ZNF423: variants seen among roughly 807,000 people sequenced by gnomAD.
The protein encoded by ZNF423 is Ebf-associated zinc finger protein.
In ZNF423, 12 loss-of-function variants were observed where a neutral mutation model predicts 95.8. That is an observed-to-expected ratio of 0.13 (90% CI 0.08 to 0.20). The LOEUF (loss-of-function observed/expected upper bound fraction) is 0.20, where lower values mean the gene tolerates loss of function less well. ZNF423 is among the 10% of genes least tolerant of loss of function. ZNF423 has a pLI of 1.00. For missense variants in ZNF423, 1,316 were observed against 1,737.1 expected (o/e 0.76, Z 4.31); for synonymous variants, 749 against 711.9 (o/e 1.05, Z -0.83).
At chr16:49,830,561 C>A (rs770930352) in intron 1 of ZNF423, among the ~76,000 whole-genome samples, 3 of 152,134 alleles carry the variant, frequency 2.0e-5, no homozygotes, top group Non-Finnish European at 2.9e-5. Flanking sequence ...CAGTGAGATA[C>A]AAGGGAGGGA....
intron 3 of ZNF423, among the ~76,000 whole-genome samples, chr16:49,725,160 A>G (rs2032976164): frequency 6.6e-6 from 1 of 152,154 alleles, no homozygotes; most frequent in Non-Finnish European, 1.5e-5. Context: ...AGGCAGGAGG[A>G]TTGCCTGAGG....
At position 49,635,311 on chromosome 16, in the gene ZNF423, T is replaced by C. The variant is rs1972647362; in HGVS notation, c.3516+349A>G. On this transcript the variant is annotated intron_variant, in intron 4 of 7. Transcript: ENST00000563137. This position sits in a 1 kb window ranked among gnomAD's most constrained non-coding sequence, Gnocchi z 4.8. ...CAAAGACACAAGCCACCACCCATGG[T>C]GCCCTCACTGTGCATCAGCCACTGT... Among the ~76,000 whole-genome samples, 1 of 152,258 alleles carries C rather than the reference T, an allele frequency of 6.6e-6. No individual in the cohort carries two copies. Among genetic ancestry groups the C allele is most frequent in the Admixed American group, 6.5e-5 (1 of 15,292 alleles).
chr16:49,808,008 CAGCGTT>C (rs2034692432), intron 1 of ZNF423, among the ~76,000 whole-genome samples: 1 of 152,198 alleles, frequency 6.6e-6, no homozygotes, highest in African/African-American at 2.4e-5. Context: ...TCTCCCTAAG[CAGCGTT>C]ACTCAAGAAA....
At chr16:49,574,323 G>A (rs563063182) in intron 5 of ZNF423, among the ~76,000 whole-genome samples, 42 of 152,334 alleles carry the variant, frequency 2.8e-4, no homozygotes, top group African/African-American at 9.4e-4. Context: ...GTTTGAGGCT[G>A]CAGTGAGCTA....
chr16:49,510,099 A>G (rs899729272), intron 7 of ZNF423, among the ~76,000 whole-genome samples: 1 of 152,220 alleles, frequency 6.6e-6, no homozygotes, highest in Non-Finnish European at 1.5e-5. Context: ...TGCTTCTCCC[A>G]TCTGTGAAAG....
chr16:49,537,298 T>C (rs1390360939), intron 5 of ZNF423, among the ~76,000 whole-genome samples: 1 of 152,200 alleles, frequency 6.6e-6, no homozygotes, highest in Non-Finnish European at 1.5e-5. Flanking sequence ...GCCACAGCAC[T>C]ACTGAGTTGC....
At chr16:49,575,490 G>A (rs964907548) in intron 5 of ZNF423, among the ~76,000 whole-genome samples, 1 of 152,106 alleles carries the variant, frequency 6.6e-6, no homozygotes, top group South Asian at 2.1e-4. Context: ...CACAACACCC[G>A]GGCTGTGAGC....
chr16:49,737,285 T>TTC (rs1555480055), intron 2 of ZNF423, among the ~76,000 whole-genome samples: 5 of 151,372 alleles, frequency 3.3e-5, no homozygotes, highest in South Asian at 2.1e-4. Context: ...TTTTTTTTTT[T>TTC]CCAAGACAGA....
intron 3 of ZNF423, among the ~76,000 whole-genome samples, chr16:49,669,990 G>A (rs1033217961): frequency 6.6e-6 from 1 of 152,212 alleles, no homozygotes; most frequent in African/African-American, 2.4e-5. Context: ...GATAGGAAGG[G>A]GAGGAGACGC....
intron 5 of ZNF423, among the ~76,000 whole-genome samples, chr16:49,617,857 C>A (rs1038838044): frequency 6.6e-6 from 1 of 152,132 alleles, no homozygotes; most frequent in Non-Finnish European, 1.5e-5. Flanking sequence ...GCCACACAGA[C>A]CCTCTTCAGC....
At chr16:49,742,102 C>T (rs2033425660) in intron 2 of ZNF423, among the ~76,000 whole-genome samples, 1 of 152,262 alleles carries the variant, frequency 6.6e-6, no homozygotes. Context: ...AAGAACCATA[C>T]ACAGCTCCAT....
rs533745259 is a variant in ZNF423 at position 49,494,845 on chromosome 16, T to C, written c.3850-3541A>G. On this transcript the variant is annotated intron_variant, in intron 7 of 7. Coordinates refer to ENST00000563137, the MANE Select transcript of ZNF423 (RefSeq NM_001379286.1). ...CGTCCCCCACAGCTAGAAGCTGTGG[T>C]TTGAGGAACGTGGGGAGGTTCAGCA... 8.5e-5 allele frequency among the ~76,000 whole-genome samples: 13 copies of C among 152,274 alleles called. No homozygotes were observed. In the South Asian group the frequency reaches 2.7e-3, roughly 32 times the overall value.
At chr16:49,516,179 G>A (rs753731014) in intron 7 of ZNF423, among the ~76,000 whole-genome samples, 29 of 152,176 alleles carry the variant, frequency 1.9e-4, no homozygotes, top group African/African-American at 4.3e-4. Context: ...TTTATGCCCC[G>A]TCTCACTGCC....
At chr16:49,827,710 T>C (rs890666918) in intron 1 of ZNF423, among the ~76,000 whole-genome samples, 1 of 152,142 alleles carries the variant, frequency 6.6e-6, no homozygotes, top group African/African-American at 2.4e-5. Flanking sequence ...TTTGTAGCAA[T>C]AGGGTCTATG....
At chr16:49,728,237 A>G (rs973915193) in intron 3 of ZNF423, among the ~76,000 whole-genome samples, 1 of 152,172 alleles carries the variant, frequency 6.6e-6, no homozygotes, top group Non-Finnish European at 1.5e-5. Flanking sequence ...GGTTTATCCC[A>G]TCATTGAGTA....
chr16:49,810,806 C>G (rs2034738755), intron 1 of ZNF423, among the ~76,000 whole-genome samples: 1 of 152,224 alleles, frequency 6.6e-6, no homozygotes, highest in Admixed American at 6.5e-5. Flanking sequence ...CGGACACTTT[C>G]TGTGCATTTA....
At chr16:49,662,084 C>A (rs2030262968) in intron 3 of ZNF423, among the ~76,000 whole-genome samples, 1 of 152,146 alleles carries the variant, frequency 6.6e-6, no homozygotes, top group South Asian at 2.1e-4. Context: ...ACTGTGAGAC[C>A]CCCGCCCTTG....
intron 3 of ZNF423, among the ~76,000 whole-genome samples, chr16:49,726,909 G>A (rs1268633538): frequency 6.9e-6 from 1 of 145,534 alleles, no homozygotes. Flanking sequence ...AACCACATGG[G>A]AACCCCTTCA....
intron 2 of ZNF423, among the ~76,000 whole-genome samples, chr16:49,776,946 T>C (rs1456693505): frequency 1.3e-5 from 2 of 152,202 alleles, no homozygotes; most frequent in Non-Finnish European, 2.9e-5. Flanking sequence ...TTTGCATGCC[T>C]GGGTGTGGAT....
Sources: allele counts gnomAD v4.1 joint callset (sites outside exome capture counted in the v4.1 genomes callset), GRCh38; gene constraint gnomAD v4.1.1; non-coding constraint Gnocchi (gnomAD v3.1); transcripts MANE v1.5; gene names NCBI Gene and HGNC (gene_info 2026-07-23, HGNC 2026-07-21).